Variants in TYW1 observed in about 807,000 individuals in gnomAD.
The protein encoded by TYW1 is tRNA-yW synthesizing protein 1 homolog.
A neutral mutation model predicts 96.2 loss-of-function variants in TYW1; 46 were observed. That is an observed-to-expected ratio of 0.48 (90% CI 0.38 to 0.61). TYW1 has a LOEUF of 0.61. Ranked by LOEUF, TYW1 falls within the 20% of genes least tolerant of loss-of-function variation. The probability of loss-of-function intolerance (pLI) is 0.00; values close to 1 mark genes in which losing one functional copy is unlikely to be tolerated. For synonymous variants in TYW1, 274 were observed against 323.0 expected (o/e 0.85, Z 1.63); for missense variants, 684 against 909.6 (o/e 0.75, Z 3.19).
chr7:67,051,963 T>C (rs1795375058), intron 8 of TYW1, among the ~76,000 whole-genome samples: 1 of 152,190 alleles, frequency 6.6e-6, no homozygotes, highest in South Asian at 2.1e-4. Flanking sequence ...TTACAGATGT[T>C]ACTCCACTGT....
intron 13 of TYW1, among the ~76,000 whole-genome samples, chr7:67,146,844 C>T (rs1266975581): frequency 6.6e-6 from 1 of 152,160 alleles, no homozygotes; most frequent in Admixed American, 6.6e-5. Flanking sequence ...ACTCAGATTC[C>T]TGTCTTCTTT....
chr7:67,218,064 G>C (rs1354585282), intron 15 of TYW1, among the ~76,000 whole-genome samples: 1 of 151,348 alleles, frequency 6.6e-6, no homozygotes, highest in Non-Finnish European at 1.5e-5. Flanking sequence ...TCACCATGTT[G>C]GCCAGGCTGG....
intron 10 of TYW1, among the ~76,000 whole-genome samples, chr7:67,081,991 C>A (rs980061893): frequency 1.5e-4 from 22 of 150,174 alleles, no homozygotes; most frequent in Admixed American, 6.1e-4. Context: ...ATATCTATCT[C>A]TCTTGAATTT....
Position 67,014,106 on chromosome 7 carries a change from G to A in TYW1, c.376-261G>A, listed in dbSNP as rs568081022. On this transcript the variant is annotated intron_variant, in intron 4 of 15. Transcript: ENST00000359626. ...GTGGCAAATTAGCGATGATGAGAAT[G>A]TATAGTCTGGATAACGGAATGGCGT... Among the ~76,000 whole-genome samples the A allele has an allele frequency of 1.6e-4, 25 of 152,236 alleles. No homozygotes were observed. The East Asian group carries it at 4.4e-3, about 27-fold the overall frequency.
At chr7:67,082,605 G>A (rs1034411772) in intron 10 of TYW1, among the ~76,000 whole-genome samples, 3 of 152,118 alleles carry the variant, frequency 2.0e-5, no homozygotes, top group African/African-American at 7.2e-5. Context: ...CTTGGGCCTT[G>A]AGGGGCCTGA....
Position 66,998,944 on chromosome 7 carries a change from G to C in TYW1, c.263G>C (p.Gly88Ala). 1 of 1,613,812 alleles carries C rather than the reference G, an allele frequency of 6.2e-7. No homozygotes were observed. Among genetic ancestry groups the C allele is most frequent in the Non-Finnish European group, 8.5e-7 (1 of 1,179,976 alleles). The change falls in exon 3 of 16, where the codon GGA becomes GCA. Residue 88 changes from glycine (G) to alanine (A), a missense_variant. By Grantham distance (60) the Gly-to-Ala change is moderately conservative. Transcript: ENST00000359626. ...AAGATTTTTTATGGTTCTCAGACTGGAACAGCGAAGGTAAGAAATTTATAT... is the reference window on the plus strand; with the variant it reads ...AAGATTTTTTATGGTTCTCAGACTGCAACAGCGAAGGTAAGAAATTTATAT... ...GVKIFYGSQT[G>A]TAKGFATVLA...
At chr7:67,184,080 A>G (rs1277739265) in intron 14 of TYW1, among the ~76,000 whole-genome samples, 5 of 152,254 alleles carry the variant, frequency 3.3e-5, no homozygotes, top group Non-Finnish European at 5.9e-5. Flanking sequence ...CGGCCTCTCA[A>G]AGTGCTGGGA....
At chr7:67,237,175 C>T (rs995676147) in intron 15 of TYW1, among the ~76,000 whole-genome samples, 11 of 152,182 alleles carry the variant, frequency 7.2e-5, no homozygotes, top group African/African-American at 1.2e-4. Context: ...CGTGAGCCAC[C>T]GTGCCTGGCC....
At chr7:67,089,222 A>G in intron 11 of TYW1, 1 of 1,098,382 alleles carries the variant, frequency 9.1e-7, no homozygotes, top group Non-Finnish European at 1.3e-6. Flanking sequence ...TAATCTATAT[A>G]CAAGCCCTGG....
intron 7 of TYW1, among the ~76,000 whole-genome samples, chr7:67,041,959 ATT>A (rs1458980246): frequency 6.7e-6 from 1 of 149,204 alleles, no homozygotes; most frequent in Admixed American, 6.7e-5. Flanking sequence ...TAGTTAATAT[ATT>A]TTTTATATAA....
intron 13 of TYW1, among the ~76,000 whole-genome samples, chr7:67,137,777 T>C (rs35622824): frequency 2.0e-5 from 3 of 152,148 alleles, no homozygotes; most frequent in East Asian, 1.9e-4. Context: ...AGGAGGAATC[T>C]ATGAAGACGC....
intron 13 of TYW1, among the ~76,000 whole-genome samples, chr7:67,145,665 A>T (rs1160763560): frequency 6.6e-6 from 1 of 151,986 alleles, no homozygotes; most frequent in Non-Finnish European, 1.5e-5. Flanking sequence ...TCCTATGGTC[A>T]TTTTTTTCTG....
chr7:67,158,793 G>T (rs1042246546), intron 13 of TYW1, among the ~76,000 whole-genome samples: 1 of 150,994 alleles, frequency 6.6e-6, no homozygotes, highest in South Asian at 2.1e-4. Flanking sequence ...GGATGGTCTC[G>T]ATCTCCTGAC....
chr7:67,091,682 G>A (rs1382899620), intron 11 of TYW1, among the ~76,000 whole-genome samples: 10 of 152,192 alleles, frequency 6.6e-5, no homozygotes, highest in Non-Finnish European at 1.2e-4. Context: ...CAGTGTAACA[G>A]CCTCTGGCAG....
chr7:67,159,901 C>T (rs1159600584), intron 13 of TYW1, among the ~76,000 whole-genome samples: 1 of 151,712 alleles, frequency 6.6e-6, no homozygotes, highest in East Asian at 1.9e-4. Context: ...CCCGGGTTCA[C>T]GCCATTCTCC....
chr7:67,089,121 G>A (rs2115805122), intron 11 of TYW1: 1 of 424,966 alleles, frequency 2.4e-6, no homozygotes, highest in African/African-American at 2.0e-5. Flanking sequence ...ATAGCCCCAG[G>A]GACAGGGGAC....
chr7:67,231,524 C>T (rs894833780), intron 15 of TYW1, among the ~76,000 whole-genome samples: 2 of 152,184 alleles, frequency 1.3e-5, no homozygotes. Flanking sequence ...AATGTCCAAA[C>T]GTGTTTTCAT....
intron 13 of TYW1, among the ~76,000 whole-genome samples, chr7:67,172,574 C>T (rs1423919361): frequency 6.6e-6 from 1 of 152,004 alleles, no homozygotes; most frequent in East Asian, 1.9e-4. Flanking sequence ...GTGTGTGCCA[C>T]CACGCCTGGC....
chr7:67,117,918 A>G (rs914103312), intron 13 of TYW1, among the ~76,000 whole-genome samples: 1 of 152,190 alleles, frequency 6.6e-6, no homozygotes, highest in Admixed American at 6.5e-5. Context: ...AAAGTTAATA[A>G]CAGTTGGTCC....
Sources: allele counts gnomAD v4.1 joint callset (sites outside exome capture counted in the v4.1 genomes callset), GRCh38; gene constraint gnomAD v4.1.1; transcripts MANE v1.5; gene names NCBI Gene and HGNC (gene_info 2026-07-23, HGNC 2026-07-21).